Variants in LRRC75A observed in about 807,000 individuals in gnomAD.
The protein encoded by LRRC75A is leucine rich repeat containing 75A.
Under a neutral mutation model 26.0 loss-of-function variants are expected in LRRC75A, and 12 were observed. That is an observed-to-expected ratio of 0.46 (90% CI 0.30 to 0.75). LRRC75A has a LOEUF of 0.75. LRRC75A is among the 30% of genes least tolerant of loss of function. The pLI, the probability that LRRC75A is intolerant of heterozygous loss-of-function variation, is 0.08. For missense variants in LRRC75A, 410 were observed against 486.6 expected (o/e 0.84, Z 1.48); for synonymous variants, 223 against 219.3 (o/e 1.02, Z -0.15).
intron 2 of LRRC75A, among the ~76,000 whole-genome samples, chr17:16,456,710 T>C (rs1034266198): frequency 6.6e-6 from 1 of 152,216 alleles, no homozygotes; most frequent in African/African-American, 2.4e-5. Context: ...TCTATAGTTC[T>C]AGCACCTTGG....
rs1014827995 is a variant in LRRC75A at position 16,479,066 on chromosome 17, T to C, written c.246+12679A>G. 2.0e-5 allele frequency among the ~76,000 whole-genome samples: 3 copies of C among 152,328 alleles called. No individual in the cohort carries two copies. In the East Asian group the frequency reaches 5.8e-4, roughly 29 times the overall value. ...GCAATACTGCAGGGTCCGGGGCTCATGGAAGCCCAACAAGGAAACCCTGAT... is the reference window on the plus strand; with the variant it reads ...GCAATACTGCAGGGTCCGGGGCTCACGGAAGCCCAACAAGGAAACCCTGAT... On this transcript the variant is annotated intron_variant, in intron 1 of 3. Transcript: ENST00000470794.
At chr17:16,474,854 G>A (rs563426265) in intron 1 of LRRC75A, among the ~76,000 whole-genome samples, 17 of 151,948 alleles carry the variant, frequency 1.1e-4, no homozygotes, top group African/African-American at 3.9e-4. Flanking sequence ...TTAGCCGGGC[G>A]TGGTGGTGGG....
At chr17:16,477,463 C>T (rs975926474) in intron 1 of LRRC75A, among the ~76,000 whole-genome samples, 1 of 152,242 alleles carries the variant, frequency 6.6e-6, no homozygotes, top group Admixed American at 6.5e-5. Flanking sequence ...TAGCTTTCAA[C>T]TTCAGGCAGG....
chr17:16,476,815 T>C lies in LRRC75A; in HGVS notation c.247-14429A>G, dbSNP rs560566972. Among the ~76,000 whole-genome samples the C allele has an allele frequency of 6.3e-5, 9 of 143,992 alleles. No individual in the cohort carries two copies. The East Asian group carries it at 2.0e-3, about 31-fold the overall frequency. The allele number at this position is 143,992 out of a possible 152,430, so 94.5% of individuals were successfully genotyped here. A position where few individuals can be genotyped will look rare whatever the true frequency, so the allele number is the denominator to read the frequency against. On this transcript the variant is annotated intron_variant, in intron 1 of 3. Coordinates refer to ENST00000470794, the MANE Select transcript of LRRC75A (RefSeq NM_001113567.3). ...GTGCAGTAGCACAATCTCGGCTCAC[T>C]GCAAGCTCCGCCTCCCGGGTTCACG...
intron 1 of LRRC75A, among the ~76,000 whole-genome samples, chr17:16,476,963 C>G: frequency 6.6e-6 from 1 of 151,414 alleles, no homozygotes; most frequent in East Asian, 1.9e-4. Flanking sequence ...TGGTCTCAAT[C>G]TCCTGACCTT....
intron 1 of LRRC75A, among the ~76,000 whole-genome samples, chr17:16,483,344 CT>C (rs1233855808): frequency 6.6e-6 from 1 of 152,232 alleles, no homozygotes; most frequent in Non-Finnish European, 1.5e-5. Flanking sequence ...TCAGCTAGGA[CT>C]GCGGTCAGCA....
intron 2 of LRRC75A, among the ~76,000 whole-genome samples, chr17:16,459,582 T>C (rs1392189296): frequency 1.3e-5 from 2 of 152,338 alleles, no homozygotes; most frequent in East Asian, 3.9e-4. Context: ...TTGGGTTTTG[T>C]TTAAACTACA....
chr17:16,491,857 C>A lies in LRRC75A; in HGVS notation c.134G>T (p.Gly45Val), dbSNP rs778298316. 4.3e-6 allele frequency: 6 copies of A among 1,392,452 alleles called. No individual in the cohort carries two copies. In the African/African-American group the frequency reaches 9.0e-5, roughly 21 times the overall value. 86.3% of individuals were successfully genotyped at this position (1,392,452 alleles called of 1,614,324 possible). A position where few individuals can be genotyped will look rare whatever the true frequency, so the allele number is the denominator to read the frequency against. Residue 45 changes from glycine to valine, a missense_variant, in exon 1 of 4, where the codon GGC (glycine) becomes GTC (valine). Transcript: ENST00000470794. The surrounding 1 kb of genome is among the most constrained non-coding windows in gnomAD (Gnocchi z 5.9). ...LRAGDKAGRA[G>V]AGMPPYHRRV... ...CCGGTGGTAGGGGGGCATCCCCGCG[C>A]CCGCGCGCCCCGCCTTGTCCCCGGC...
rs2093530862 is a variant in LRRC75A at position 16,441,985 on chromosome 17, T to G, written c.*1603A>C. On this transcript the variant is annotated 3_prime_UTR_variant, in exon 4 of 4. Coordinates refer to ENST00000470794, the MANE Select transcript of LRRC75A (RefSeq NM_001113567.3). ...GTTTTTTCATGCAGTTACCATGAAC[T>G]AATACTACAATAAAGGATGGTCTTG... The G allele has an allele frequency of 6.5e-6, 1 of 152,980 alleles. No homozygotes were observed. Among genetic ancestry groups the G allele is most frequent in the Admixed American group, 6.5e-5 (1 of 15,432 alleles). 9.5% of individuals were successfully genotyped at this position (152,980 alleles called of 1,614,324 possible). A position where few individuals can be genotyped will look rare whatever the true frequency, so the allele number is the denominator to read the frequency against.
At chr17:16,446,628 C>T (rs901686620) in intron 3 of LRRC75A, among the ~76,000 whole-genome samples, 1 of 151,986 alleles carries the variant, frequency 6.6e-6, no homozygotes, top group Admixed American at 6.6e-5. Flanking sequence ...CCATGAGATT[C>T]CACCCGAGGG....
At chr17:16,476,960 A>C (rs8070002) in intron 1 of LRRC75A, among the ~76,000 whole-genome samples, 33,579 of 150,760 alleles carry the variant, frequency 0.22, 3,778 homozygotes, top group Middle Eastern at 0.37. Context: ...GGATGGTCTC[A>C]ATCTCCTGAC....
intron 2 of LRRC75A, among the ~76,000 whole-genome samples, chr17:16,453,298 ACACACACACACACGCACACACG>A (rs1491491036): frequency 4.1e-5 from 4 of 98,642 alleles, no homozygotes; most frequent in Admixed American, 9.2e-5. Context: ...GGACTCCTAA[ACACACACACACACGCACACACG>A]CACACACGCA....
At chr17:16,487,325 A>T (rs2093849090) in intron 1 of LRRC75A, among the ~76,000 whole-genome samples, 1 of 152,200 alleles carries the variant, frequency 6.6e-6, no homozygotes, top group Non-Finnish European at 1.5e-5. Flanking sequence ...GTGGAAGGAA[A>T]AAGGTGACCT....
intron 1 of LRRC75A, among the ~76,000 whole-genome samples, chr17:16,464,634 C>CACCCAATTGAG (rs2093754031): frequency 6.6e-6 from 1 of 152,206 alleles, no homozygotes; most frequent in Non-Finnish European, 1.5e-5. Flanking sequence ...TCTCCTGGAC[C>CACCCAATTGAG]ACAGACCCAA....
chr17:16,450,848 C>G (rs981616499), intron 2 of LRRC75A, among the ~76,000 whole-genome samples: 3 of 152,056 alleles, frequency 2.0e-5, no homozygotes, highest in Admixed American at 6.6e-5. Context: ...ACACAGCTGA[C>G]TGATATGCTG....
At chr17:16,480,624 C>G (rs552739246) in intron 1 of LRRC75A, among the ~76,000 whole-genome samples, 1 of 129,470 alleles carries the variant, frequency 7.7e-6, no homozygotes, top group Non-Finnish European at 1.6e-5. Context: ...AGCGAGACTT[C>G]GTCTCAAAAA....
chr17:16,487,995 G>A (rs748450241), intron 1 of LRRC75A, among the ~76,000 whole-genome samples: 7 of 152,226 alleles, frequency 4.6e-5, no homozygotes, highest in Non-Finnish European at 1.0e-4. Context: ...TCAGCTGGGT[G>A]TATCCCAGGG....
chr17:16,462,850 T>C lies in LRRC75A; in HGVS notation c.247-464A>G, dbSNP rs73980138. 2,701 of 174,588 alleles carry C rather than the reference T, an allele frequency of 0.015. 72 individuals are homozygous for C. Among genetic ancestry groups the C allele is most frequent in the African/African-American group, 0.062 (2,592 of 41,826 alleles). 10.8% of individuals were successfully genotyped at this position (174,588 alleles called of 1,614,324 possible). A position where few individuals can be genotyped will look rare whatever the true frequency, so the allele number is the denominator to read the frequency against. ...TTCTGTAGCCGATGCAGCCTCAGTGTTCCTTTGCCTTGGGGGTTTCTGAGT... is the reference window on the plus strand; with the variant it reads ...TTCTGTAGCCGATGCAGCCTCAGTGCTCCTTTGCCTTGGGGGTTTCTGAGT... On this transcript the variant is annotated intron_variant, in intron 1 of 3. Transcript: ENST00000470794. This position sits in a 1 kb window ranked among gnomAD's most constrained non-coding sequence, Gnocchi z 4.6.
At position 16,443,652 on chromosome 17, in the gene LRRC75A, C is replaced by T. The variant is rs778216028; in HGVS notation, c.971G>A (p.Gly324Asp). The T allele has an allele frequency of 5.8e-6, 9 of 1,563,172 alleles. No homozygotes were observed. Among genetic ancestry groups the T allele is most frequent in the South Asian group, 1.2e-5 (1 of 86,304 alleles). The change falls in exon 4 of 4, where the codon GGC becomes GAC. Residue 324 changes from glycine to aspartate, a missense_variant. Coordinates refer to ENST00000470794, the MANE Select transcript of LRRC75A (RefSeq NM_001113567.3). ...GTVGQEDPGG[G>D]PVAPAEDHHE... ...GTGGTCTTCGGCAGGTGCCACAGGG[C>T]CCCCTCCAGGGTCCTCCTGGCCTAC...
Sources: allele counts gnomAD v4.1 joint callset (sites outside exome capture counted in the v4.1 genomes callset), GRCh38; gene constraint gnomAD v4.1.1; non-coding constraint Gnocchi (gnomAD v3.1); transcripts MANE v1.5; gene names NCBI Gene and HGNC (gene_info 2026-07-23, HGNC 2026-07-21).